The following GRID2IP variants were observed in gnomAD, a reference collection of about 807,000 sequenced individuals.
The protein encoded by GRID2IP is delphilin.
Under a neutral mutation model 114.3 loss-of-function variants are expected in GRID2IP, and 78 were observed. That is an observed-to-expected ratio of 0.68 (90% CI 0.57 to 0.82). The LOEUF (loss-of-function observed/expected upper bound fraction) is 0.82, where lower values mean the gene tolerates loss of function less well. GRID2IP is among the 40% of genes least tolerant of loss of function. GRID2IP has a pLI of 0.00. For missense variants in GRID2IP, 1,727 were observed against 1,678.5 expected (o/e 1.03, Z -0.51); for synonymous variants, 809 against 724.0 (o/e 1.12, Z -1.89).
At chr7:6,504,350 T>A (rs1342911882) in intron 15 of GRID2IP, among the ~76,000 whole-genome samples, 1 of 79,296 alleles carries the variant, frequency 1.3e-5, no homozygotes, top group South Asian at 4.1e-4. Context: ...GGAGACCGAA[T>A]GGAGGGGACA....
rs1191984739 is a variant in GRID2IP, at chr7:6,539,715, TA to T, written c.584+2del. On this transcript the variant is annotated splice_donor_variant, in intron 2 of 21. Transcript: ENST00000457091. LOFTEE classifies it high-confidence loss of function. ...TGTCTATCCTGCCCCCTGCCCGCAG[TA>T]CCTGAGGTTGTCCAGGAGTGGCCCG... is the stretch of plus-strand genomic sequence containing the variant. 3.2e-6 allele frequency: 5 copies of T among 1,546,004 alleles called. No homozygotes were observed. Among genetic ancestry groups the T allele is most frequent in the Non-Finnish European group, 4.4e-6 (5 of 1,144,870 alleles).
In GRID2IP at chr7:6,534,458, C is replaced by T. The variant is rs1268293799; in HGVS notation, c.584+5260G>A. On this transcript the variant is annotated intron_variant, in intron 2 of 21. Transcript: ENST00000457091. The surrounding 1 kb of genome is among the most constrained non-coding windows in gnomAD (Gnocchi z 4.5). ...TGGGGAGAGACCCAAATTAGCCTCC[C>T]AGTCGCAGGATTAACTGTTGTGGTG... Among the ~76,000 whole-genome samples, 1 of 152,222 alleles carries T rather than the reference C, an allele frequency of 6.6e-6. No homozygotes were observed. The highest frequency in any genetic ancestry group is 1.5e-5 in the Non-Finnish European group (1 of 68,038).
chr7:6,498,017 GC>G (rs1318078455), intron 21 of GRID2IP, 46 bp downstream of exon 21: 19 of 1,489,186 alleles, frequency 1.3e-5, no homozygotes, highest in Admixed American at 4.7e-5. Context: ...TTGGCCTCTG[GC>G]CCCCACCTCT....
chr7:6,545,136 G>A (rs1314031874), intron 1 of GRID2IP, among the ~76,000 whole-genome samples: 1 of 151,972 alleles, frequency 6.6e-6, no homozygotes, highest in Non-Finnish European at 1.5e-5. Context: ...GCCAGATATG[G>A]TGGTGCACGC....
chr7:6,537,022 A>T, intron 2 of GRID2IP: 1 of 235,442 alleles, frequency 4.2e-6, no homozygotes, highest in Non-Finnish European at 8.1e-6. Context: ...GGGCGGGCTG[A>T]GTCCGGGAAG....
intron 20 of GRID2IP, among the ~76,000 whole-genome samples, chr7:6,501,409 A>C (rs918960897): frequency 1.6e-4 from 25 of 152,206 alleles, no homozygotes; most frequent in Non-Finnish European, 1.5e-5. Context: ...TAAATTTATA[A>C]TCCAGGATGG....
At position 6,507,864 on chromosome 7, in the gene GRID2IP, CCTCTGCTTGGGGTAG is replaced by C; in HGVS notation, c.2544+106_2544+120del. The C allele has an allele frequency of 7.0e-7, 1 of 1,432,192 alleles. No homozygotes were observed. Among genetic ancestry groups the C allele is most frequent in the Non-Finnish European group, 9.2e-7 (1 of 1,081,942 alleles). 88.7% of individuals were successfully genotyped at this position (1,432,192 alleles called of 1,614,324 possible). On this transcript the variant is annotated intron_variant, in intron 13 of 21. Transcript: ENST00000457091. The surrounding 1 kb of genome is among the most constrained non-coding windows in gnomAD (Gnocchi z 5.3). ...GTTCTTGGGCTGGGCCTCTACTCATCCTCTGCTTGGGGTAGGGAGGATGATGTTGGAAGATGCCTG... is the reference window on the plus strand; with the variant it reads ...GTTCTTGGGCTGGGCCTCTACTCATCGGAGGATGATGTTGGAAGATGCCTG...
chr7:6,530,358 G>C (rs1387725281), intron 2 of GRID2IP, among the ~76,000 whole-genome samples: 1 of 151,808 alleles, frequency 6.6e-6, no homozygotes, highest in Non-Finnish European at 1.5e-5. Flanking sequence ...CCGCCTCCCA[G>C]GTTCAAGCGA....
chr7:6,527,298 AC>A (rs1237495892), intron 2 of GRID2IP, among the ~76,000 whole-genome samples: 3 of 152,034 alleles, frequency 2.0e-5, no homozygotes, highest in African/African-American at 7.2e-5. Context: ...TCTGGCAGGA[AC>A]CCCGTTTCTG....
intron 2 of GRID2IP, among the ~76,000 whole-genome samples, chr7:6,529,404 T>A (rs889181399): frequency 1.3e-5 from 2 of 151,716 alleles, no homozygotes; most frequent in Non-Finnish European, 2.9e-5. Flanking sequence ...TGAGCCGAGA[T>A]TGTACCACTG....
rs1285158175 is a variant in GRID2IP at position 6,526,606 on chromosome 7, C to G, written c.748G>C (p.Ala250Pro). 3.1e-5 allele frequency: 37 copies of G among 1,198,776 alleles called. No homozygotes were observed. The highest frequency in any genetic ancestry group is 3.9e-5 in the South Asian group (1 of 25,916). 74.3% of individuals were successfully genotyped at this position (1,198,776 alleles called of 1,614,324 possible). A position where few individuals can be genotyped will look rare whatever the true frequency, so the allele number is the denominator to read the frequency against. ...GGCTCATCGGGGCGGCGCGGCGGGG[C>G]GCTGGCGCGCGTGGACACCAGGAGG... ...ERLLVSTRAS[A>P]PPRRPDEPPP... Residue 250 changes from alanine to proline, a missense_variant, in exon 3 of 22, where the codon GCC becomes CCC. Physicochemically the swap from Ala to Pro is conservative, Grantham distance 27. Coordinates refer to ENST00000457091, the MANE Select transcript of GRID2IP (RefSeq NM_001145118.2). This position sits in a 1 kb window ranked among gnomAD's most constrained non-coding sequence, Gnocchi z 7.6.
At chr7:6,505,997 G>A (rs1786573520) in intron 13 of GRID2IP, 90 bp from the exon 14 acceptor site, 2 of 816,296 alleles carry the variant, frequency 2.5e-6, no homozygotes, top group Non-Finnish European at 4.0e-6. Flanking sequence ...CTGCCATAGG[G>A]GCTTCCCGAG....
In GRID2IP at chr7:6,526,263, G is replaced by A; in HGVS notation, c.880C>T (p.Arg294Cys). The change falls in exon 4 of 22, where the codon CGC (arginine) becomes TGC (cysteine). Residue 294 changes from arginine to cysteine, a missense_variant. Coordinates refer to ENST00000457091, the MANE Select transcript of GRID2IP (RefSeq NM_001145118.2). This position sits in a 1 kb window ranked among gnomAD's most constrained non-coding sequence, Gnocchi z 7.6. ...KGNKSFGFTL[R>C]GHGPVWIESV... is the part of the protein sequence containing the mutation. ...TCGATCCAGACAGGCCCGTGGCCGC[G>A]AAGTGTGAAGCCGAAGCTCTTGTTG... 4 of 1,551,962 alleles carry A rather than the reference G, an allele frequency of 2.6e-6. No homozygotes were observed. Among genetic ancestry groups the A allele is most frequent in the Non-Finnish European group, 3.5e-6 (4 of 1,147,034 alleles).
chr7:6,523,663 G>A lies in GRID2IP; in HGVS notation c.920-1706C>T, dbSNP rs1038299782. Among the ~76,000 whole-genome samples, 1 of 152,026 alleles carries A rather than the reference G, an allele frequency of 6.6e-6. No homozygotes were observed. Among genetic ancestry groups the A allele is most frequent in the Non-Finnish European group, 1.5e-5 (1 of 68,016 alleles). On this transcript the variant is annotated intron_variant, in intron 4 of 21. Transcript: ENST00000457091. The surrounding 1 kb of genome is among the most constrained non-coding windows in gnomAD (Gnocchi z 4.5). ...AGCTCACTACAGCCTCGAACTTCTG[G>A]GCTCAAGTGATCCTCCCACCCCAGC...
intron 2 of GRID2IP, among the ~76,000 whole-genome samples, chr7:6,533,264 G>A (rs775850172): frequency 1.9e-4 from 29 of 152,126 alleles, no homozygotes; most frequent in Admixed American, 1.3e-4. Context: ...CTGCTCTTGG[G>A]AACGAGAGCT....
Position 6,498,227 on chromosome 7 carries a change from G to A in GRID2IP, c.3401C>T (p.Ser1134Phe). Residue 1134 changes from serine to phenylalanine, a missense_variant and splice_region_variant, in exon 21 of 22, where the codon TCC becomes TTC. Physicochemically the swap from Ser to Phe is radical, Grantham distance 155. Coordinates refer to ENST00000457091, the MANE Select transcript of GRID2IP (RefSeq NM_001145118.2). ...SEDKFAMVMS[S>F]FLETAQPALR... ...TGCTGGCTGGGCCGTCTCCAGGAAG[G>A]ACTGACAGGCCTCAGTTAAGGAAAC... 2 of 1,539,546 alleles carry A rather than the reference G, an allele frequency of 1.3e-6. No individual in the cohort carries two copies. Among genetic ancestry groups the A allele is most frequent in the Non-Finnish European group, 1.8e-6 (2 of 1,142,596 alleles).
chr7:6,531,556 G>C (rs546578013), intron 2 of GRID2IP, among the ~76,000 whole-genome samples: 20 of 152,366 alleles, frequency 1.3e-4, no homozygotes, highest in Non-Finnish European at 2.8e-4. Flanking sequence ...GGCTCAGCAG[G>C]AGTCGGCCGG....
Position 6,510,410 on chromosome 7 carries a change from G to T in GRID2IP, c.1654-10C>A. On this transcript the variant is annotated splice_polypyrimidine_tract_variant and intron_variant, in intron 10 of 21. Transcript: ENST00000457091. ...CATAGACGGCTGACATCTGGAGGGA[G>T]ACGGGGGAGAGTCCAGCCCATTCTG... 2 of 1,509,396 alleles carry T rather than the reference G, an allele frequency of 1.3e-6. No individual in the cohort carries two copies. The highest frequency in any genetic ancestry group is 1.8e-6 in the Non-Finnish European group (2 of 1,122,724). 93.5% of individuals were successfully genotyped at this position (1,509,396 alleles called of 1,614,324 possible). A position where few individuals can be genotyped will look rare whatever the true frequency, so the allele number is the denominator to read the frequency against.
rs964616065 is a variant in GRID2IP at position 6,510,335 on chromosome 7, G to C, written c.1719C>G (p.Thr573=). The C allele has an allele frequency of 1.9e-6, 3 of 1,547,216 alleles. No individual in the cohort carries two copies. The highest frequency in any genetic ancestry group is 1.4e-5 in the African/African-American group (1 of 72,826). Residue 573 remains threonine, a synonymous_variant, in exon 11 of 22, where the codon ACC becomes ACG. Transcript: ENST00000457091. ...LNSSFKGKMG[T]VSKSRASPPG... ...GAGGGGAAGCCCGGGATTTGGACAC[G>C]GTCCCCATCTTCCCTTTGAAGCTGC...
Sources: gnomAD v4.1 joint callset for allele counts (sites outside exome capture counted in the v4.1 genomes callset) on GRCh38, gnomAD v4.1.1 for gene constraint, Gnocchi (gnomAD v3.1) non-coding constraint, MANE v1.5 for transcripts, NCBI Gene and HGNC (gene_info 2026-07-23, HGNC 2026-07-21) for gene names.